Variants in CMTR1 observed in about 807,000 individuals in gnomAD.
CMTR1 encodes the protein cap-specific mRNA (nucleoside-2'-O-)-methyltransferase 1.
CMTR1 carries 39 observed loss-of-function variants against 107.0 expected under a neutral mutation model. That is an observed-to-expected ratio of 0.36 (90% CI 0.28 to 0.48). The LOEUF is 0.48. Ranked by LOEUF, CMTR1 falls within the 20% of genes least tolerant of loss-of-function variation. The pLI, the probability that CMTR1 is intolerant of heterozygous loss-of-function variation, is 0.99. For missense variants in CMTR1, 672 were observed against 1,064.9 expected (o/e 0.63, Z 5.14); for synonymous variants, 366 against 379.5 (o/e 0.96, Z 0.41).
chr6:37,441,187 A>G (rs1771666792), intron 2 of CMTR1, among the ~76,000 whole-genome samples: 1 of 152,038 alleles, frequency 6.6e-6, no homozygotes. Context: ...GAGAATCCAT[A>G]CCTTTGGAAG....
At chr6:37,433,951 C>T (rs921726937) in intron 1 of CMTR1, among the ~76,000 whole-genome samples, 4 of 152,208 alleles carry the variant, frequency 2.6e-5, no homozygotes, top group Non-Finnish European at 2.9e-5. Flanking sequence ...TCCGCCTCTC[C>T]TGCCTTTCAC....
chr6:37,468,227 C>G (rs1761548149), intron 13 of CMTR1, among the ~76,000 whole-genome samples: 1 of 150,654 alleles, frequency 6.6e-6, no homozygotes, highest in Non-Finnish European at 1.5e-5. Flanking sequence ...AGTAATCAGT[C>G]TGCCTTCCAA....
chr6:37,424,874 A>T, the CMTR1 span, among the ~76,000 whole-genome samples: 1 of 151,498 alleles, frequency 6.6e-6, no homozygotes, highest in African/African-American at 2.4e-5. Flanking sequence ...GCATTTCTTG[A>T]AGGGCAGATT....
At chr6:37,451,458 A>G (rs946634809) in intron 5 of CMTR1, among the ~76,000 whole-genome samples, 1 of 152,164 alleles carries the variant, frequency 6.6e-6, no homozygotes, top group African/African-American at 2.4e-5. Context: ...AGCTTTTGTC[A>G]TTTGAGGCAT....
chr6:37,474,730 C>CT (rs1186850537), intron 18 of CMTR1, 84 bp downstream of exon 18: 50 of 1,570,844 alleles, frequency 3.2e-5, no homozygotes, highest in Non-Finnish European at 4.1e-5. Context: ...CCTGAGTTAA[C>CT]TTGGTTACAT....
At chr6:37,467,352 A>G (rs573442931) in intron 13 of CMTR1, among the ~76,000 whole-genome samples, 2 of 152,236 alleles carry the variant, frequency 1.3e-5, no homozygotes, top group Non-Finnish European at 2.9e-5. Context: ...TAGTCACACC[A>G]TTCTCAGAGA....
Position 37,444,051 on chromosome 6 carries a change from C to G in CMTR1, c.186C>G (p.His62Gln). The G allele has an allele frequency of 6.2e-7, 1 of 1,614,158 alleles. No individual in the cohort carries two copies. Among genetic ancestry groups the G allele is most frequent in the East Asian group, 2.2e-5 (1 of 44,888 alleles). Reference sequence around the variant, plus strand: ...ATAGTGAGACCGAGGGGAAACAACACAGCTCTGACTCTTTTGACGATGCAT... The same window carrying G: ...ATAGTGAGACCGAGGGGAAACAACAGAGCTCTGACTCTTTTGACGATGCAT... ...GSDSETEGKQ[H>Q]SSDSFDDAFK... Residue 62 changes from histidine (H) to glutamine (Q), a missense_variant, in exon 3 of 24, where the codon CAC becomes CAG. Coordinates refer to ENST00000373451, the MANE Select transcript of CMTR1 (RefSeq NM_015050.3).
chr6:37,445,949 A>G (rs16889785), intron 3 of CMTR1, among the ~76,000 whole-genome samples: 5,106 of 152,254 alleles, frequency 0.034, 297 homozygotes, highest in African/African-American at 0.11. Context: ...CTCTTTATCA[A>G]GTCTACTCTA....
chr6:37,435,990 G>T (rs1771520711), intron 2 of CMTR1, among the ~76,000 whole-genome samples: 1 of 152,198 alleles, frequency 6.6e-6, no homozygotes, highest in Non-Finnish European at 1.5e-5. Context: ...TCCAGAAGTT[G>T]CTTTCTGTTG....
the CMTR1 span, among the ~76,000 whole-genome samples, chr6:37,427,197 G>A: frequency 1.3e-5 from 2 of 152,076 alleles, no homozygotes; most frequent in Non-Finnish European, 2.9e-5. The surrounding 1 kb of genome is among the most constrained non-coding windows in gnomAD (Gnocchi z 4.4). Flanking sequence ...GGATGTTGCA[G>A]CCCTTATTAG....
chr6:37,435,777 G>A lies in CMTR1; in HGVS notation c.133+15G>A, dbSNP rs374718742. 21 of 1,568,826 alleles carry A rather than the reference G, an allele frequency of 1.3e-5. No individual in the cohort carries two copies. The highest frequency in any genetic ancestry group is 2.4e-5 in the South Asian group (2 of 83,140). On this transcript the variant is annotated intron_variant, in intron 2 of 23. Transcript: ENST00000373451. ...TGGAGCAAAAGGTACGTGTGCTTGT[G>A]TGGTCTGAGGCCACTGGCCATCTGG...
chr6:37,476,736 C>G (rs1349281718), intron 20 of CMTR1, among the ~76,000 whole-genome samples: 2 of 152,166 alleles, frequency 1.3e-5, no homozygotes, highest in Non-Finnish European at 2.9e-5. Context: ...CCAGGGTAGG[C>G]TGAGGTCTGA....
At chr6:37,437,247 C>A (rs1325349618) in intron 2 of CMTR1, among the ~76,000 whole-genome samples, 1 of 150,384 alleles carries the variant, frequency 6.6e-6, no homozygotes, top group Non-Finnish European at 1.5e-5. Flanking sequence ...CATCAGCTGG[C>A]CAGGCGCGGT....
intron 8 of CMTR1, among the ~76,000 whole-genome samples, chr6:37,453,977 A>G (rs1029104354): frequency 1.3e-5 from 2 of 152,222 alleles, no homozygotes; most frequent in African/African-American, 2.4e-5. Context: ...GCGTGGGATC[A>G]TAATTATAAG....
At chr6:37,466,088 T>G (rs1761503408) in intron 13 of CMTR1, among the ~76,000 whole-genome samples, 1 of 151,260 alleles carries the variant, frequency 6.6e-6, no homozygotes, top group South Asian at 2.1e-4. Context: ...CTTTCCTCTA[T>G]GTTTTTAAAG....
intron 22 of CMTR1, among the ~76,000 whole-genome samples, chr6:37,478,774 A>G (rs1761795348): frequency 6.6e-6 from 1 of 152,180 alleles, no homozygotes; most frequent in Non-Finnish European, 1.5e-5. Flanking sequence ...TGTTGTTCTC[A>G]TGGCAGGAAA....
intron 16 of CMTR1, 130 bp from the exon 17 acceptor site, chr6:37,473,340 C>T (rs1457808874): frequency 1.5e-5 from 14 of 929,948 alleles, no homozygotes; most frequent in Non-Finnish European, 2.3e-5. Flanking sequence ...GAAGGGGGTG[C>T]AGGGGAGCAT....
At chr6:37,463,085 G>A in intron 13 of CMTR1, 77 bp downstream of exon 13, 1 of 1,430,048 alleles carries the variant, frequency 7.0e-7, no homozygotes, top group East Asian at 2.3e-5. Context: ...TGAATGGTTG[G>A]CTCTTGGTAT....
At chr6:37,476,019 G>A (rs371951098) in intron 19 of CMTR1, 107 bp from the exon 20 acceptor site, 38 of 1,082,326 alleles carry the variant, frequency 3.5e-5, no homozygotes, top group African/African-American at 2.2e-4. Flanking sequence ...CAGTCTTGCC[G>A]CAGATTCAGA....
Sources: allele counts gnomAD v4.1 joint callset (sites outside exome capture counted in the v4.1 genomes callset), GRCh38; gene constraint gnomAD v4.1.1; non-coding constraint Gnocchi (gnomAD v3.1); transcripts MANE v1.5; gene names NCBI Gene and HGNC (gene_info 2026-07-23, HGNC 2026-07-21).